The following ANKRD55 variants were observed in gnomAD, a reference collection of about 807,000 sequenced individuals.
ANKRD55 encodes ankyrin repeat domain 55, also known as ankyrin repeat domain-containing protein 55.
A neutral mutation model predicts 60.6 loss-of-function variants in ANKRD55; 41 were observed. That is an observed-to-expected ratio of 0.68 (90% CI 0.53 to 0.88). The LOEUF is 0.88. Among genes scored for constraint, ANKRD55 ranks in the 40% least tolerant of loss-of-function variants. ANKRD55 has a pLI of 0.00. For synonymous variants in ANKRD55, 264 were observed against 290.3 expected, an observed-to-expected ratio of 0.91 and a Z score of 0.92; for missense variants, 732 against 767.6, an observed-to-expected ratio of 0.95 and a Z score of 0.55.
At chr5:56,172,684 G>A (rs1178915749) in intron 4 of ANKRD55, among the ~76,000 whole-genome samples, 1 of 151,970 alleles carries the variant, frequency 6.6e-6, no homozygotes, top group Non-Finnish European at 1.5e-5. Flanking sequence ...TACCTACTAT[G>A]TGCTGGCTGA....
At chr5:56,137,937 C>T (rs60005688) in intron 7 of ANKRD55, among the ~76,000 whole-genome samples, 37,678 of 151,846 alleles carry the variant, frequency 0.25, 6,517 homozygotes, top group African/African-American at 0.48. Flanking sequence ...CCACATCATA[C>T]GCCATCAGAA....
At chr5:56,162,005 TTCTTTCCTTTCTG>T in intron 5 of ANKRD55, 1 of 985,464 alleles carries the variant, frequency 1.0e-6, no homozygotes, top group Non-Finnish European at 1.2e-6. Context: ...TCTCCTTTCT[TTCTTTCCTTTCTG>T]TCTTCTCTGG....
At chr5:56,128,152 A>G (rs1208336287) in intron 7 of ANKRD55, among the ~76,000 whole-genome samples, 1 of 152,224 alleles carries the variant, frequency 6.6e-6, no homozygotes, top group Non-Finnish European at 1.5e-5. Flanking sequence ...CCATTCAATA[A>G]GGAAAATAGA....
chr5:56,146,214 A>G (rs1336389803), intron 6 of ANKRD55, among the ~76,000 whole-genome samples: 1 of 152,038 alleles, frequency 6.6e-6, no homozygotes, highest in Non-Finnish European at 1.5e-5. Flanking sequence ...TAGATCCTAG[A>G]ATGGTGCCAG....
At chr5:56,215,860 T>A (rs1446693521) in intron 2 of ANKRD55, among the ~76,000 whole-genome samples, 5 of 152,036 alleles carry the variant, frequency 3.3e-5, no homozygotes, top group Non-Finnish European at 7.4e-5. Context: ...GCTCTTTTTT[T>A]AATTAGGAGT....
At chr5:56,187,291 T>TC (rs1758994056) in intron 2 of ANKRD55, among the ~76,000 whole-genome samples, 1 of 152,126 alleles carries the variant, frequency 6.6e-6, no homozygotes, top group South Asian at 2.1e-4. Flanking sequence ...AATCAGGTAG[T>TC]AAAGAGAGCT....
chr5:56,150,713 C>A (rs1392541530), intron 6 of ANKRD55, among the ~76,000 whole-genome samples: 1 of 152,150 alleles, frequency 6.6e-6, no homozygotes, highest in African/African-American at 2.4e-5. Context: ...GCCTGGCCAA[C>A]ATGGTGAAAT....
intron 2 of ANKRD55, among the ~76,000 whole-genome samples, chr5:56,190,329 T>A (rs1230646136): frequency 6.6e-6 from 1 of 152,226 alleles, no homozygotes; most frequent in Non-Finnish European, 1.5e-5. Flanking sequence ...TTAATTTTGA[T>A]GTAGTCTAAT....
chr5:56,169,313 C>T (rs752544774), intron 5 of ANKRD55, among the ~76,000 whole-genome samples: 83 of 152,052 alleles, frequency 5.5e-4, no homozygotes, highest in African/African-American at 8.7e-4. Flanking sequence ...AAAGCAATTA[C>T]GTAGAGTAAA....
chr5:56,101,460 T>C (rs1392488971), intron 11 of ANKRD55, among the ~76,000 whole-genome samples: 1 of 152,008 alleles, frequency 6.6e-6, no homozygotes, highest in Non-Finnish European at 1.5e-5. Flanking sequence ...AAAAAGAAAA[T>C]AGAATCCAGT....
intron 8 of ANKRD55, among the ~76,000 whole-genome samples, chr5:56,119,440 G>C (rs773292993): frequency 1.3e-5 from 2 of 152,206 alleles, no homozygotes; most frequent in East Asian, 1.9e-4. Flanking sequence ...ATGGGAGAGG[G>C]CTTGACTATA....
intron 2 of ANKRD55, among the ~76,000 whole-genome samples, chr5:56,208,796 T>A (rs2111869788): frequency 6.6e-6 from 1 of 152,292 alleles, no homozygotes; most frequent in Non-Finnish European, 1.5e-5. Context: ...AACACCTGGA[T>A]AATGTGTTGT....
chr5:56,100,417 T>G, intron 11 of ANKRD55, 113 bp from the exon 12 acceptor site: 1 of 1,282,620 alleles, frequency 7.8e-7, no homozygotes, highest in South Asian at 1.3e-5. Context: ...AAGTGTGTCT[T>G]GGTGAGAGCT....
intron 8 of ANKRD55, among the ~76,000 whole-genome samples, chr5:56,120,800 G>A (rs1318141424): frequency 6.6e-6 from 1 of 151,748 alleles, no homozygotes; most frequent in East Asian, 1.9e-4. Flanking sequence ...TCGGGAGGCT[G>A]AGGCAGGAGA....
intron 5 of ANKRD55, among the ~76,000 whole-genome samples, chr5:56,166,851 A>G (rs780378226): frequency 3.3e-5 from 5 of 152,238 alleles, no homozygotes; most frequent in Non-Finnish European, 7.3e-5. Flanking sequence ...TTTCTCATAT[A>G]GAATTTTTCG....
chr5:56,142,648 C>T (rs552562579), intron 7 of ANKRD55, among the ~76,000 whole-genome samples: 89 of 152,344 alleles, frequency 5.8e-4, no homozygotes, highest in African/African-American at 1.9e-3. Flanking sequence ...TGAGAACCAA[C>T]ACATGAGGAG....
intron 2 of ANKRD55, among the ~76,000 whole-genome samples, chr5:56,189,745 T>A (rs1759050283): frequency 6.6e-6 from 1 of 152,250 alleles, no homozygotes; most frequent in Non-Finnish European, 1.5e-5. Context: ...CTTGCGTTGT[T>A]CCCATCTTTT....
intron 2 of ANKRD55, among the ~76,000 whole-genome samples, chr5:56,192,225 A>G (rs574305048): frequency 6.6e-6 from 1 of 152,364 alleles, no homozygotes; most frequent in African/African-American, 2.4e-5. Context: ...TGCTTTAAAC[A>G]GATAGACTTC....
At chr5:56,206,965 G>C (rs1051691109) in intron 2 of ANKRD55, among the ~76,000 whole-genome samples, 2 of 152,192 alleles carry the variant, frequency 1.3e-5, no homozygotes, top group African/African-American at 4.8e-5. Flanking sequence ...CTCCCACAGT[G>C]TGATCTTCCT....
Sources: gnomAD v4.1 joint callset for allele counts (sites outside exome capture counted in the v4.1 genomes callset) on GRCh38, gnomAD v4.1.1 for gene constraint, MANE v1.5 for transcripts, NCBI Gene and HGNC (gene_info 2026-07-23, HGNC 2026-07-21) for gene names.